ARSB: variants seen among roughly 807,000 people sequenced by gnomAD.
ARSB encodes the protein N-acetylgalactosamine-4-sulfatase.
Under a neutral mutation model 50.9 loss-of-function variants are expected in ARSB, and 41 were observed. That is an observed-to-expected ratio of 0.81 (90% CI 0.63 to 1.04). The LOEUF (loss-of-function observed/expected upper bound fraction) is 1.04. Among genes scored for constraint, ARSB ranks in the 50% least tolerant of loss-of-function variants. The probability of loss-of-function intolerance (pLI) is 0.00; values close to 1 mark genes in which losing one functional copy is unlikely to be tolerated. For synonymous variants in ARSB, 269 were observed against 284.8 expected, an observed-to-expected ratio of 0.94 and a Z score of 0.56; for missense variants, 672 against 693.3, an observed-to-expected ratio of 0.97 and a Z score of 0.35.
chr5:78,891,729 G>A (rs1209292049), intron 4 of ARSB, among the ~76,000 whole-genome samples: 2 of 152,196 alleles, frequency 1.3e-5, no homozygotes, highest in African/African-American at 4.8e-5. Flanking sequence ...TTAGAGACTA[G>A]GGTGTCTGTG....
At chr5:78,937,626 G>GA (rs66862163) in intron 4 of ARSB, among the ~76,000 whole-genome samples, 6,259 of 151,338 alleles carry the variant, frequency 0.041, 325 homozygotes, top group African/African-American at 0.12. Context: ...ATAAAACATT[G>GA]AAGATCTGAT....
chr5:78,846,899 C>A, intron 5 of ARSB, among the ~76,000 whole-genome samples: 1 of 152,042 alleles, frequency 6.6e-6, no homozygotes, highest in Middle Eastern at 3.2e-3. Context: ...TGATATATGG[C>A]CTTTATCGTG....
intron 5 of ARSB, among the ~76,000 whole-genome samples, chr5:78,867,272 G>A (rs1278474307): frequency 1.3e-5 from 2 of 152,184 alleles, no homozygotes; most frequent in African/African-American, 2.4e-5. Context: ...GGCTTGCTTA[G>A]GTAAACAAAG....
In ARSB at chr5:78,808,092, C is replaced by CAA. The variant is rs36099030; in HGVS notation, c.1214-26120_1214-26119dup. On this transcript the variant is annotated intron_variant, in intron 6 of 7. Transcript: ENST00000264914. ...TGGGCGACAGAGCGAGACTCCGTCT[C>CAA]AAAAAAAAAAAAAAAAAAAAAAAAA... 8.7e-4 allele frequency among the ~76,000 whole-genome samples: 50 copies of CAA among 57,764 alleles called. 2 individuals are homozygous for CAA. The highest frequency in any genetic ancestry group is 5.8e-3 in the East Asian group (6 of 1,028). The allele number at this position is 57,764 out of a possible 152,430, so 37.9% of individuals were successfully genotyped here. A position where few individuals can be genotyped will look rare whatever the true frequency, so the allele number is the denominator to read the frequency against.
At chr5:78,866,099 C>G (rs1581062945) in intron 5 of ARSB, among the ~76,000 whole-genome samples, 1 of 152,164 alleles carries the variant, frequency 6.6e-6, no homozygotes, top group African/African-American at 2.4e-5. Flanking sequence ...GTGCCCCACT[C>G]TACTGGGCCA....
intron 4 of ARSB, among the ~76,000 whole-genome samples, chr5:78,905,344 G>GTTTTTTTT (rs60622885): frequency 0.32 from 41,656 of 129,864 alleles, 8,692 homozygotes; most frequent in East Asian, 0.46. Flanking sequence ...GTATTTTCCT[G>GTTTTTTTT]TTTTTTTTTT....
chr5:78,912,736 A>T (rs1749363502), intron 4 of ARSB, among the ~76,000 whole-genome samples: 1 of 152,226 alleles, frequency 6.6e-6, no homozygotes, highest in African/African-American at 2.4e-5. Context: ...TAGAGGTCAG[A>T]CAGGAGCTTC....
intron 1 of ARSB, among the ~76,000 whole-genome samples, chr5:78,971,036 G>A (rs1464344908): frequency 6.6e-6 from 1 of 152,162 alleles, no homozygotes; most frequent in Non-Finnish European, 1.5e-5. Flanking sequence ...ATAAAGTGAG[G>A]CAGTGAGACT....
At chr5:78,891,714 G>A (rs374102218) in intron 4 of ARSB, among the ~76,000 whole-genome samples, 2 of 152,122 alleles carry the variant, frequency 1.3e-5, no homozygotes, top group Non-Finnish European at 2.9e-5. Flanking sequence ...TTATGCAATC[G>A]CACATTAGAG....
chr5:78,801,332 G>A (rs1743386944), intron 6 of ARSB, among the ~76,000 whole-genome samples: 1 of 152,160 alleles, frequency 6.6e-6, no homozygotes, highest in Admixed American at 6.5e-5. Context: ...GAAACCAATT[G>A]AAGAGCCTAG....
intron 5 of ARSB, among the ~76,000 whole-genome samples, chr5:78,871,017 A>T (rs1277284140): frequency 6.6e-6 from 1 of 150,972 alleles, no homozygotes; most frequent in African/African-American, 2.4e-5. Flanking sequence ...CCTATACACC[A>T]ACAACAGACA....
intron 2 of ARSB, among the ~76,000 whole-genome samples, chr5:78,967,272 G>A (rs1752247312): frequency 6.6e-6 from 1 of 152,152 alleles, no homozygotes; most frequent in South Asian, 2.1e-4. Flanking sequence ...TCAGGCCTAA[G>A]AGCCAGAAAA....
intron 5 of ARSB, among the ~76,000 whole-genome samples, chr5:78,855,983 GA>G (rs1746125379): frequency 6.6e-6 from 1 of 152,242 alleles, no homozygotes; most frequent in African/African-American, 2.4e-5. Flanking sequence ...TTGTTAAAAT[GA>G]AGTTGTTTAT....
chr5:78,799,138 C>T (rs185543133), intron 6 of ARSB, among the ~76,000 whole-genome samples: 7 of 152,284 alleles, frequency 4.6e-5, no homozygotes, highest in East Asian at 1.9e-4. Context: ...TAAGCAAAGA[C>T]GGTTTCTTAG....
chr5:78,800,179 G>T (rs60989276), intron 6 of ARSB, among the ~76,000 whole-genome samples: 38,612 of 151,880 alleles, frequency 0.25, 7,222 homozygotes, highest in African/African-American at 0.53. Flanking sequence ...TTAGCTGGGC[G>T]TGGTGGTGTG....
intron 5 of ARSB, among the ~76,000 whole-genome samples, chr5:78,870,891 T>G (rs970608715): frequency 1.2e-3 from 179 of 152,270 alleles, no homozygotes; most frequent in African/African-American, 4.0e-3. Flanking sequence ...GTTTGCAGAT[T>G]ACATGATTGT....
chr5:78,903,788 A>G (rs1348016061), intron 4 of ARSB, among the ~76,000 whole-genome samples: 2 of 152,224 alleles, frequency 1.3e-5, no homozygotes, highest in South Asian at 4.1e-4. Context: ...AATCTTTTCT[A>G]TACTTCACAT....
chr5:78,928,561 C>T (rs1042183058), intron 4 of ARSB, among the ~76,000 whole-genome samples: 2 of 152,104 alleles, frequency 1.3e-5, no homozygotes, highest in African/African-American at 4.8e-5. Context: ...GGTGATCCGC[C>T]CACCTCGGCC....
intron 6 of ARSB, among the ~76,000 whole-genome samples, chr5:78,789,372 G>A (rs185002638): frequency 6.6e-6 from 1 of 152,324 alleles, no homozygotes; most frequent in Non-Finnish European, 1.5e-5. Flanking sequence ...ATGGAAGACA[G>A]GAAGTTTTCA....
Sources: gnomAD v4.1 joint callset for allele counts (sites outside exome capture counted in the v4.1 genomes callset) on GRCh38, gnomAD v4.1.1 for gene constraint, MANE v1.5 for transcripts, NCBI Gene and HGNC (gene_info 2026-07-23, HGNC 2026-07-21) for gene names.